GORASP2: variants seen among roughly 807,000 people sequenced by gnomAD.
GORASP2 encodes the protein golgi reassembly stacking protein 2.
In GORASP2, 22 loss-of-function variants were observed where a neutral mutation model predicts 45.7. That is an observed-to-expected ratio of 0.48 (90% CI 0.34 to 0.69). The LOEUF (loss-of-function observed/expected upper bound fraction) is 0.69, where lower values mean the gene tolerates loss of function less well. Among genes scored for constraint, GORASP2 ranks in the 30% least tolerant of loss-of-function variants. GORASP2 has a pLI of 0.01. For missense variants in GORASP2, 491 were observed against 562.7 expected (o/e 0.87, Z 1.29); for synonymous variants, 221 against 215.6 (o/e 1.02, Z -0.22).
chr2:170,949,652 A>G lies in GORASP2; in HGVS notation c.258A>G (p.Pro86=). 6.2e-7 allele frequency: 1 copy of G among 1,614,104 alleles called. No individual in the cohort carries two copies. The change falls in exon 3 of 10, where the codon CCA becomes CCG. Residue 86 remains proline (P), a synonymous_variant. Coordinates refer to ENST00000234160, the MANE Select transcript of GORASP2 (RefSeq NM_015530.5). The stretch of plus-strand genomic sequence containing the variant: ...AACTGCGAGAGACCTCAGTCACACC[A>G]AGTAACCTGTGGGGCGGCCAGGGCT... ...TLELRETSVT[P]SNLWGGQGLL... is the part of the protein sequence containing the mutation.
In GORASP2 at chr2:170,956,473, C is replaced by A; in HGVS notation, c.737C>A (p.Pro246Gln). 2 of 1,613,088 alleles carry A rather than the reference C, an allele frequency of 1.2e-6. No individual in the cohort carries two copies. The highest frequency in any genetic ancestry group is 1.7e-6 in the Non-Finnish European group (2 of 1,179,372). The change falls in exon 7 of 10, where the codon CCA (proline) becomes CAA (glutamine). Residue 246 changes from proline to glutamine, a missense_variant. Physicochemically the swap from Pro to Gln is moderately conservative, Grantham distance 76. Transcript: ENST00000234160. ...TCAGTTAATCCCCCGTCTTTGTCAC[C>A]ACCAGGAACTACAGGAATTGAACAG... The part of the protein sequence containing the change: ...LSSVNPPSLS[P>Q]PGTTGIEQSL...
chr2:170,936,449 G>A (rs916333624), intron 1 of GORASP2, among the ~76,000 whole-genome samples: 1 of 151,714 alleles, frequency 6.6e-6, no homozygotes, highest in Non-Finnish European at 1.5e-5. Context: ...TGAACTCCTG[G>A]GCTCAAGCGA....
upstream of GORASP2, chr2:170,929,086 C>CCGGCCCTCCCTCT (rs1260211256): frequency 3.1e-5 from 12 of 381,582 alleles, no homozygotes; most frequent in South Asian, 1.2e-4. Context: ...CAGTCCTCCT[C>CCGGCCCTCCCTCT]CGGCCCTCCC....
upstream of GORASP2, chr2:170,929,221 C>T (rs559989040): frequency 5.1e-5 from 38 of 739,520 alleles, no homozygotes; most frequent in African/African-American, 6.1e-4. Context: ...CTGTGCGGCC[C>T]GGCTCTCCGG....
chr2:170,940,535 A>G (rs573164165), intron 1 of GORASP2, among the ~76,000 whole-genome samples: 10 of 152,120 alleles, frequency 6.6e-5, no homozygotes, highest in Middle Eastern at 3.4e-3. Flanking sequence ...CTGGAAAGCA[A>G]TAGTTAGGTC....
rs765513725 is a variant in GORASP2 at position 170,956,400 on chromosome 2, A to C, written c.700-36A>C. On this transcript the variant is annotated intron_variant, in intron 6 of 9. Transcript: ENST00000234160. ...TTTATATTTTCTTTGAAATAAACTTAAGTAATCTTTGTGTTTTTTTTTCTT... is the reference window on the plus strand; with the variant it reads ...TTTATATTTTCTTTGAAATAAACTTCAGTAATCTTTGTGTTTTTTTTTCTT... The C allele has an allele frequency of 2.6e-6, 4 of 1,560,492 alleles. No individual in the cohort carries two copies. In the African/African-American group the frequency reaches 4.1e-5, roughly 16 times the overall value.
intron 1 of GORASP2, chr2:170,929,812 C>T (rs894867598): frequency 2.1e-6 from 1 of 475,772 alleles, no homozygotes; most frequent in Non-Finnish European, 4.3e-6. Flanking sequence ...TTTGCGCTTT[C>T]CTAGGAGAGG....
chr2:170,963,011 C>A, intron 9 of GORASP2, 65 bp downstream of exon 9: 1 of 1,029,152 alleles, frequency 9.7e-7, no homozygotes, highest in Non-Finnish European at 1.5e-6. Context: ...GAATGCCCAT[C>A]CTCTTCAGTT....
At chr2:170,949,979 TTAGAG>T (rs1704264751) in intron 3 of GORASP2, 3 of 540,508 alleles carry the variant, frequency 5.6e-6, no homozygotes, top group South Asian at 5.8e-5. Context: ...ATAAGATGTG[TTAGAG>T]TAGATAGCTA....
chr2:170,954,888 ATGAGT>A, intron 6 of GORASP2, 106 bp downstream of exon 6: 1 of 806,340 alleles, frequency 1.2e-6, no homozygotes, highest in East Asian at 2.6e-5. Flanking sequence ...AGGGTAGACG[ATGAGT>A]TAAGTATTGA....
At chr2:170,936,502 G>A (rs1157016948) in intron 1 of GORASP2, 2 of 459,644 alleles carry the variant, frequency 4.4e-6, no homozygotes, top group Non-Finnish European at 7.8e-6. Context: ...TTACACTTAT[G>A]AGCCACCACA....
chr2:170,959,764 T>C (rs1203799316), intron 7 of GORASP2, among the ~76,000 whole-genome samples: 1 of 152,102 alleles, frequency 6.6e-6, no homozygotes, highest in Non-Finnish European at 1.5e-5. Context: ...GAAAAGATTT[T>C]GAAGTGGCAT....
At chr2:170,930,119 G>A (rs1158196959) in intron 1 of GORASP2, among the ~76,000 whole-genome samples, 1 of 152,214 alleles carries the variant, frequency 6.6e-6, no homozygotes, top group African/African-American at 2.4e-5. Flanking sequence ...AAGAGGTAGT[G>A]CAGAGAAATT....
rs1559304570 is a variant in GORASP2 at position 170,929,307 on chromosome 2, G to C, written c.-34G>C. The C allele has an allele frequency of 7.5e-7, 1 of 1,339,454 alleles. No homozygotes were observed. 83.0% of individuals were successfully genotyped at this position (1,339,454 alleles called of 1,614,324 possible). A position where few individuals can be genotyped will look rare whatever the true frequency, so the allele number is the denominator to read the frequency against. On this transcript the variant is annotated 5_prime_UTR_variant, in exon 1 of 10. Transcript: ENST00000234160. ...GTGCGCTGGGGGCGGGAGCAGCGCG[G>C]AGCCCGGCTCGGCCACACCGATCGC...
At chr2:170,954,262 T>C (rs111737840) in intron 5 of GORASP2, 4 of 164,492 alleles carry the variant, frequency 2.4e-5, no homozygotes, top group African/African-American at 9.5e-5. Flanking sequence ...ATGTCTGCCA[T>C]GTGCCGGCAG....
intron 1 of GORASP2, among the ~76,000 whole-genome samples, chr2:170,937,808 G>A (rs1008408262): frequency 4.6e-5 from 7 of 152,026 alleles, no homozygotes; most frequent in Admixed American, 3.9e-4. Flanking sequence ...GTGAGATCCT[G>A]TCTCTAAAAA....
At chr2:170,957,802 G>T (rs953141180) in intron 7 of GORASP2, among the ~76,000 whole-genome samples, 1 of 151,976 alleles carries the variant, frequency 6.6e-6, no homozygotes, top group East Asian at 1.9e-4. Context: ...AACCCTGTAC[G>T]CATTATCAGT....
chr2:170,929,591 C>T (rs573939371), intron 1 of GORASP2, 188 bp downstream of exon 1: 8 of 572,504 alleles, frequency 1.4e-5, no homozygotes, highest in Non-Finnish European at 2.2e-5. Flanking sequence ...CGCGGAGCGC[C>T]CTGGGCACGG....
chr2:170,933,148 G>T (rs1196329267), intron 1 of GORASP2, among the ~76,000 whole-genome samples: 2 of 152,128 alleles, frequency 1.3e-5, no homozygotes, highest in South Asian at 4.1e-4. Context: ...AAAAGAAGTG[G>T]ACTCCTAGTG....
Sources: gnomAD v4.1 joint callset for allele counts (sites outside exome capture counted in the v4.1 genomes callset) on GRCh38, gnomAD v4.1.1 for gene constraint, MANE v1.5 for transcripts, NCBI Gene and HGNC (gene_info 2026-07-23, HGNC 2026-07-21) for gene names.